The following MAP2K5 variants were observed in gnomAD, a reference collection of about 807,000 sequenced individuals.
MAP2K5 encodes the protein dual specificity mitogen-activated protein kinase kinase 5.
MAP2K5 carries 49 observed loss-of-function variants against 83.1 expected under a neutral mutation model. The ratio of observed to expected loss-of-function variants is 0.59; its 90% CI spans 0.47 to 0.75. MAP2K5 has a LOEUF of 0.75. Among genes scored for constraint, MAP2K5 ranks in the 30% least tolerant of loss-of-function variants. The probability of loss-of-function intolerance (pLI) is 0.00; values close to 1 mark genes in which losing one functional copy is unlikely to be tolerated. For missense variants in MAP2K5, 457 were observed against 557.5 expected (o/e 0.82, Z 1.82); for synonymous variants, 202 against 191.8 (o/e 1.05, Z -0.44).
intron 16 of MAP2K5, among the ~76,000 whole-genome samples, chr15:67,709,039 C>T (rs1367308834): frequency 6.6e-6 from 1 of 152,152 alleles, no homozygotes; most frequent in Non-Finnish European, 1.5e-5. Context: ...AGATTATTCA[C>T]CTTGACTGAT....
chr15:67,636,407 CAAAA>C lies in MAP2K5; in HGVS notation c.585+5492_585+5495del, dbSNP rs566333001. On this transcript the variant is annotated intron_variant, in intron 9 of 21. Transcript: ENST00000178640. This position sits in a 1 kb window ranked among gnomAD's most constrained non-coding sequence, Gnocchi z 4.7. ...TGGGCAACAGAATAAGACTCCGTCT[CAAAA>C]AAAAAAAAAAAGTATGAAATATAGT... is the stretch of plus-strand genomic sequence containing the variant. 9.1e-6 allele frequency among the ~76,000 whole-genome samples: 1 copy of C among 109,392 alleles called. No homozygotes were observed. The allele number at this position is 109,392 out of a possible 152,430, so 71.8% of individuals were successfully genotyped here.
At chr15:67,682,372 C>T (rs2087837507) in intron 13 of MAP2K5, among the ~76,000 whole-genome samples, 1 of 151,828 alleles carries the variant, frequency 6.6e-6, no homozygotes, top group South Asian at 2.1e-4. Flanking sequence ...TACAGGCACA[C>T]GCCACCACAC....
intron 7 of MAP2K5, among the ~76,000 whole-genome samples, chr15:67,594,592 T>C (rs1386425243): frequency 6.6e-6 from 1 of 152,176 alleles, no homozygotes; most frequent in Non-Finnish European, 1.5e-5. Context: ...AAATAAGCAG[T>C]CTCATAATGT....
At chr15:67,658,843 A>C in intron 12 of MAP2K5, 1 of 584,896 alleles carries the variant, frequency 1.7e-6, no homozygotes, top group Non-Finnish European at 3.2e-6. Context: ...ATGTGTTTGC[A>C]GGGACCTTGG....
intron 19 of MAP2K5, among the ~76,000 whole-genome samples, chr15:67,754,058 C>T (rs2089779012): frequency 6.6e-6 from 1 of 152,152 alleles, no homozygotes; most frequent in East Asian, 1.9e-4. Flanking sequence ...CACAAAAAGC[C>T]ACATATTCTA....
rs115444512 is a variant in MAP2K5, at chr15:67,665,770, C to T, written c.847+1125C>T. ...CTCCATTTCTAGAGTATAGTTGGTG[C>T]GAAAGGTAGGTGTAGGGAGAGTGAG... On this transcript the variant is annotated intron_variant, in intron 13 of 21. Transcript: ENST00000178640. This position sits in a 1 kb window ranked among gnomAD's most constrained non-coding sequence, Gnocchi z 4.2. 0.011 allele frequency among the ~76,000 whole-genome samples: 1,743 copies of T among 152,004 alleles called. 44 individuals are homozygous for T. Among genetic ancestry groups the T allele is most frequent in the African/African-American group, 0.041 (1,686 of 41,446 alleles).
chr15:67,594,625 T>C (rs2085484715), intron 7 of MAP2K5, among the ~76,000 whole-genome samples: 2 of 152,182 alleles, frequency 1.3e-5, no homozygotes, highest in Admixed American at 1.3e-4. Flanking sequence ...CCTAGTACCA[T>C]AGATATCTTA....
At chr15:67,544,236 G>GA (rs967856813) in intron 1 of MAP2K5, among the ~76,000 whole-genome samples, 1 of 152,116 alleles carries the variant, frequency 6.6e-6, no homozygotes, top group Admixed American at 6.5e-5. Flanking sequence ...ATTTTACTTA[G>GA]AAAAAAATGC....
At chr15:67,626,437 G>T (rs1304589345) in intron 8 of MAP2K5, among the ~76,000 whole-genome samples, 6 of 152,208 alleles carry the variant, frequency 3.9e-5, no homozygotes, top group Non-Finnish European at 8.8e-5. Context: ...TGAGGCAGGA[G>T]AATTGCTTGA....
At chr15:67,609,486 T>A (rs1432719055) in intron 8 of MAP2K5, among the ~76,000 whole-genome samples, 1 of 148,118 alleles carries the variant, frequency 6.8e-6, no homozygotes, top group Non-Finnish European at 1.5e-5. Context: ...AGACCTATTC[T>A]ATAGGTCTAT....
At chr15:67,710,906 C>T (rs1041766571) in intron 16 of MAP2K5, among the ~76,000 whole-genome samples, 3 of 152,142 alleles carry the variant, frequency 2.0e-5, no homozygotes, top group Non-Finnish European at 4.4e-5. Flanking sequence ...ATAATAAATA[C>T]GCTGTTCTCT....
At position 67,636,139 on chromosome 15, in the gene MAP2K5, G is replaced by A. The variant is rs1196837245; in HGVS notation, c.585+5212G>A. ...TCTTGAAAGTATGAAATGACCGGGC[G>A]CCGTGGCTCATGCCTGTAATCCCAG... is the stretch of plus-strand genomic sequence containing the variant. On this transcript the variant is annotated intron_variant, in intron 9 of 21. Coordinates refer to ENST00000178640, the MANE Select transcript of MAP2K5 (RefSeq NM_145160.3). The surrounding 1 kb of genome is among the most constrained non-coding windows in gnomAD (Gnocchi z 4.7). 2.0e-5 allele frequency among the ~76,000 whole-genome samples: 3 copies of A among 152,110 alleles called. No individual in the cohort carries two copies. The highest frequency in any genetic ancestry group is 7.2e-5 in the African/African-American group (3 of 41,448).
intron 17 of MAP2K5, among the ~76,000 whole-genome samples, chr15:67,730,877 G>T (rs1183881087): frequency 6.6e-6 from 1 of 152,142 alleles, no homozygotes. Context: ...AGAATTAGGT[G>T]CTACCACAGT....
rs2084993061 is a variant in MAP2K5, at chr15:67,573,613, C to G, written c.253-7141C>G. ...TGAATAGAAGCTGGGTAAAATGAGG[C>G]TGCGACCTGCTGGGCCGCAGCCCCA... On this transcript the variant is annotated intron_variant, in intron 3 of 21. Transcript: ENST00000178640. This position sits in a 1 kb window ranked among gnomAD's most constrained non-coding sequence, Gnocchi z 4.2. 6.6e-6 allele frequency among the ~76,000 whole-genome samples: 1 copy of G among 152,110 alleles called. No homozygotes were observed. Among genetic ancestry groups the G allele is most frequent in the Non-Finnish European group, 1.5e-5 (1 of 68,038 alleles).
intron 13 of MAP2K5, 81 bp downstream of exon 13, chr15:67,664,726 G>A (rs2087330607): frequency 2.3e-6 from 2 of 887,556 alleles, no homozygotes; most frequent in South Asian, 1.5e-5. Flanking sequence ...TAAAGTAAGT[G>A]TTCTGACATT....
chr15:67,687,635 T>C (rs1456179470), intron 13 of MAP2K5, among the ~76,000 whole-genome samples: 1 of 152,192 alleles, frequency 6.6e-6, no homozygotes, highest in Non-Finnish European at 1.5e-5. Flanking sequence ...CTTCTCAGAA[T>C]GAAGTGTCAT....
Position 67,775,957 on chromosome 15 carries a change from T to C in MAP2K5, c.1242+3205T>C, listed in dbSNP as rs1439443917. 6.6e-6 allele frequency among the ~76,000 whole-genome samples: 1 copy of C among 152,206 alleles called. No homozygotes were observed. The highest frequency in any genetic ancestry group is 1.5e-5 in the Non-Finnish European group (1 of 68,028). On this transcript the variant is annotated intron_variant, in intron 21 of 21. Coordinates refer to ENST00000178640, the MANE Select transcript of MAP2K5 (RefSeq NM_145160.3). This position sits in a 1 kb window ranked among gnomAD's most constrained non-coding sequence, Gnocchi z 5.3. ...GCAATCTCTTAAGACATTCCACTTC[T>C]ATACAAGGAACCCTGGGAACACCAC...
In MAP2K5 at chr15:67,698,610, A is replaced by G. The variant is rs1328348569; in HGVS notation, c.973-4727A>G. The stretch of plus-strand genomic sequence containing the variant: ...TTAAAAATCAAATATAAAAATTGAC[A>G]CTATTGCTATGATTAACTGAAGTTT... On this transcript the variant is annotated intron_variant, in intron 15 of 21. Coordinates refer to ENST00000178640, the MANE Select transcript of MAP2K5 (RefSeq NM_145160.3). This position sits in a 1 kb window ranked among gnomAD's most constrained non-coding sequence, Gnocchi z 4.5. Among the ~76,000 whole-genome samples the G allele has an allele frequency of 6.6e-6, 1 of 152,228 alleles. No individual in the cohort carries two copies. The highest frequency in any genetic ancestry group is 2.4e-5 in the African/African-American group (1 of 41,458).
intron 17 of MAP2K5, among the ~76,000 whole-genome samples, chr15:67,741,904 T>C (rs536719704): frequency 1.1e-4 from 16 of 151,954 alleles, no homozygotes; most frequent in Non-Finnish European, 1.5e-4. Context: ...GAACTTTTTT[T>C]TTTTTTTTGA....
Sources: allele counts gnomAD v4.1 joint callset (sites outside exome capture counted in the v4.1 genomes callset), GRCh38; gene constraint gnomAD v4.1.1; non-coding constraint Gnocchi (gnomAD v3.1); transcripts MANE v1.5; gene names NCBI Gene and HGNC (gene_info 2026-07-23, HGNC 2026-07-21).